DSCAM: variants seen among roughly 807,000 people sequenced by gnomAD.
DSCAM encodes cell adhesion molecule DSCAM.
In DSCAM, 47 loss-of-function variants were observed where a neutral mutation model predicts 217.7. That is an observed-to-expected ratio of 0.22 (90% CI 0.17 to 0.28). The LOEUF is 0.28. DSCAM is among the 10% of genes least tolerant of loss of function. The pLI, the probability that DSCAM is intolerant of heterozygous loss-of-function variation, is 1.00. For missense variants in DSCAM, 2,080 were observed against 2,618.3 expected (o/e 0.79, Z 4.49); for synonymous variants, 1,056 against 1,015.3 (o/e 1.04, Z -0.76).
chr21:40,211,850 T>G (rs537903869), intron 11 of DSCAM, among the ~76,000 whole-genome samples: 1 of 152,184 alleles, frequency 6.6e-6, no homozygotes, highest in South Asian at 2.1e-4. Context: ...TGTAAACTGC[T>G]TGAGGTTAAA....
chr21:40,103,288 T>G (rs940277634), intron 20 of DSCAM, among the ~76,000 whole-genome samples: 1 of 114,142 alleles, frequency 8.8e-6, no homozygotes, highest in East Asian at 3.2e-4. Context: ...TTAAAAAAAC[T>G]TGAAGGCTGT....
chr21:40,082,938 C>T (rs2089483336), intron 24 of DSCAM, among the ~76,000 whole-genome samples: 1 of 152,192 alleles, frequency 6.6e-6, no homozygotes, highest in African/African-American at 2.4e-5. Context: ...CTGAAATGCT[C>T]CTGACTTCCT....
chr21:40,142,758 C>T, intron 17 of DSCAM, 54 bp from the exon 18 acceptor site: 1 of 1,458,826 alleles, frequency 6.9e-7, no homozygotes, highest in Non-Finnish European at 9.1e-7. Flanking sequence ...ATGAGCAAAG[C>T]AATAACCGAA....
At chr21:40,417,305 T>C (rs1006260415) in intron 3 of DSCAM, among the ~76,000 whole-genome samples, 2 of 152,210 alleles carry the variant, frequency 1.3e-5, no homozygotes, top group South Asian at 4.1e-4. Flanking sequence ...TATGTATACA[T>C]GTGCCATGTT....
intron 3 of DSCAM, among the ~76,000 whole-genome samples, chr21:40,411,645 T>G (rs915525095): frequency 4.6e-5 from 7 of 152,066 alleles, no homozygotes; most frequent in African/African-American, 1.7e-4. Flanking sequence ...GCTAAAACCA[T>G]TGATGTGAAA....
chr21:40,298,269 G>C (rs771322504), intron 9 of DSCAM, among the ~76,000 whole-genome samples: 15 of 151,900 alleles, frequency 9.9e-5, no homozygotes, highest in Non-Finnish European at 1.9e-4. Context: ...TTTTAATAGA[G>C]ATGGGGTTTT....
Position 40,083,960 on chromosome 21 carries a change from G to A in DSCAM, c.4179C>T (p.Ser1393=), listed in dbSNP as rs765114349. The change falls in exon 24 of 33, where the codon TCC becomes TCT. Residue 1393 remains serine (S), a synonymous_variant. Transcript: ENST00000400454. The part of the protein sequence containing the change: ...PRLTVSKTTS[S]SITLSWLPGD... ...CAGGGAGCCAAGAAAGGGTGATGGA[G>A]GAAGACGTGGTCTTGGAGACTGTAA... 1.2e-6 allele frequency: 2 copies of A among 1,613,872 alleles called. No individual in the cohort carries two copies. The highest frequency in any genetic ancestry group is 2.2e-5 in the East Asian group (1 of 44,832).
chr21:40,563,846 TTATA>T lies in DSCAM; in HGVS notation c.508+128960_508+128963del, dbSNP rs1178952421. 2.0e-5 allele frequency among the ~76,000 whole-genome samples: 3 copies of T among 150,104 alleles called. No homozygotes were observed. In the Admixed American group the frequency reaches 2.0e-4, roughly 10 times the overall value. The stretch of plus-strand genomic sequence containing the variant: ...TATATGTTTATATATGTTTATATGT[TTATA>T]TATGTTTATATGTTTATATATAGTT... On this transcript the variant is annotated intron_variant, in intron 3 of 32. Transcript: ENST00000400454.
At chr21:40,405,253 GA>G (rs1320800918) in intron 3 of DSCAM, among the ~76,000 whole-genome samples, 1 of 152,196 alleles carries the variant, frequency 6.6e-6, no homozygotes, top group Non-Finnish European at 1.5e-5. Flanking sequence ...ATTAAACTGG[GA>G]TCAGAGCAGC....
chr21:40,305,389 C>CATAA (rs766752825), intron 9 of DSCAM, among the ~76,000 whole-genome samples: 1,007 of 68,550 alleles, frequency 0.015, 16 homozygotes, highest in African/African-American at 0.04. Context: ...GATCCCGTCT[C>CATAA]AAAAAAAAAA....
chr21:40,793,284 T>C (rs548228925), intron 1 of DSCAM, among the ~76,000 whole-genome samples: 2 of 152,090 alleles, frequency 1.3e-5, no homozygotes, highest in African/African-American at 2.4e-5. Context: ...AGGTTTAGAC[T>C]GGACATACAA....
chr21:40,127,128 T>A (rs956450621), intron 19 of DSCAM, among the ~76,000 whole-genome samples: 7 of 152,232 alleles, frequency 4.6e-5, no homozygotes, highest in Non-Finnish European at 1.0e-4. Context: ...GTTTTTACTG[T>A]TAGAATTATA....
intron 3 of DSCAM, among the ~76,000 whole-genome samples, chr21:40,572,218 G>T (rs533106881): frequency 6.6e-6 from 1 of 151,734 alleles, no homozygotes; most frequent in African/African-American, 2.4e-5. Flanking sequence ...TGAGAGAATA[G>T]AATTATATAA....
intron 1 of DSCAM, among the ~76,000 whole-genome samples, chr21:40,722,985 A>G (rs2090917820): frequency 6.6e-6 from 1 of 152,168 alleles, no homozygotes; most frequent in African/African-American, 2.4e-5. Context: ...CTAAATGTCT[A>G]TGTACCTAAT....
intron 21 of DSCAM, among the ~76,000 whole-genome samples, chr21:40,088,192 G>A (rs982105418): frequency 6.6e-6 from 1 of 152,202 alleles, no homozygotes; most frequent in Non-Finnish European, 1.5e-5. Flanking sequence ...AGAGGAAACA[G>A]GTGCCCCTAC....
intron 15 of DSCAM, among the ~76,000 whole-genome samples, chr21:40,169,332 C>G (rs1158120850): frequency 6.6e-6 from 1 of 152,108 alleles, no homozygotes; most frequent in Admixed American, 6.5e-5. Context: ...AGAATGGGAA[C>G]ATGAAGGAGA....
intron 29 of DSCAM, among the ~76,000 whole-genome samples, chr21:40,055,216 G>A (rs757902475): frequency 3.2e-4 from 49 of 152,176 alleles, no homozygotes; most frequent in Non-Finnish European, 5.6e-4. Flanking sequence ...GCTGCAGGAT[G>A]TTTCTGGGGC....
chr21:40,436,897 G>T (rs2075588017), intron 3 of DSCAM, among the ~76,000 whole-genome samples: 1 of 152,172 alleles, frequency 6.6e-6, no homozygotes, highest in African/African-American at 2.4e-5. Flanking sequence ...TACCCTCCAG[G>T]GTGTTTAATA....
At chr21:40,599,381 C>G (rs1259200329) in intron 3 of DSCAM, among the ~76,000 whole-genome samples, 1 of 152,174 alleles carries the variant, frequency 6.6e-6, no homozygotes, top group Non-Finnish European at 1.5e-5. Flanking sequence ...TGGCCCCCAA[C>G]CCCCTGGCTG....
Sources: allele counts gnomAD v4.1 joint callset (sites outside exome capture counted in the v4.1 genomes callset), GRCh38; gene constraint gnomAD v4.1.1; transcripts MANE v1.5; gene names NCBI Gene and HGNC (gene_info 2026-07-23, HGNC 2026-07-21).